The following QRICH2 variants were observed in gnomAD, a reference collection of about 807,000 sequenced individuals.
The protein encoded by QRICH2 is glutamine-rich protein 2.
A neutral mutation model predicts 168.3 loss-of-function variants in QRICH2; 119 were observed. The ratio of observed to expected loss-of-function variants is 0.71; its 90% CI spans 0.61 to 0.82. The LOEUF (loss-of-function observed/expected upper bound fraction) is 0.82. Among genes scored for constraint, QRICH2 ranks in the 40% least tolerant of loss-of-function variants. The pLI is 0.00. For synonymous variants in QRICH2, 894 were observed against 951.2 expected, an observed-to-expected ratio of 0.94 and a Z score of 1.11; for missense variants, 2,241 against 2,491.6, an observed-to-expected ratio of 0.90 and a Z score of 2.14.
rs752510976 is a variant in QRICH2, at chr17:76,278,135, G to T, written c.4971C>A (p.Ser1657Arg). ...PRGDLAQMEQ[S>R]VGRLRSMHSK... ...AGTGCATGGAGCGCAGGCGCCCCAC[G>T]CTCTGCTCCATCTGCGCCAGGTCAC... The change falls in exon 15 of 19, where the codon AGC (serine) becomes AGA (arginine). Residue 1657 changes from serine (S) to arginine (R), a missense_variant. By Grantham distance (110) the Ser-to-Arg change is moderately radical (BLOSUM62 -1). Transcript: ENST00000680821. 1 of 1,612,568 alleles carries T rather than the reference G, an allele frequency of 6.2e-7. No homozygotes were observed. Among genetic ancestry groups the T allele is most frequent in the East Asian group, 2.2e-5 (1 of 44,886 alleles).
intron 7 of QRICH2, among the ~76,000 whole-genome samples, chr17:76,283,444 G>A (rs2070824589): frequency 6.6e-6 from 1 of 152,200 alleles, no homozygotes; most frequent in Non-Finnish European, 1.5e-5. Flanking sequence ...GTGGTCCTGG[G>A]ACAGCCAGAC....
At position 76,280,214 on chromosome 17, in the gene QRICH2, G is replaced by A. The variant is rs1159809390; in HGVS notation, c.4627-60C>T. ...AGGAAGCAGGTAGGGGGCTGACCCAGGAGAAGGTGGTGCTGTCCCGATCCT... is the reference window on the plus strand; with the variant it reads ...AGGAAGCAGGTAGGGGGCTGACCCAAGAGAAGGTGGTGCTGTCCCGATCCT... On this transcript the variant is annotated intron_variant, in intron 11 of 18. Transcript: ENST00000680821. The surrounding 1 kb of genome is among the most constrained non-coding windows in gnomAD (Gnocchi z 7.4). The A allele has an allele frequency of 1.2e-5, 20 of 1,607,320 alleles. No individual in the cohort carries two copies. Among genetic ancestry groups the A allele is most frequent in the Non-Finnish European group, 1.6e-5 (19 of 1,175,712 alleles).
chr17:76,294,108 G>T, intron 3 of QRICH2, 87 bp from the exon 4 acceptor site: 1 of 1,481,970 alleles, frequency 6.7e-7, no homozygotes, highest in Non-Finnish European at 9.0e-7. Context: ...GTTCTGACTA[G>T]GATGATTTAG....
In QRICH2 at chr17:76,280,955, T is replaced by C; in HGVS notation, c.4264-2A>G. 1 of 1,608,310 alleles carries C rather than the reference T, an allele frequency of 6.2e-7. No individual in the cohort carries two copies. The highest frequency in any genetic ancestry group is 1.3e-5 in the African/African-American group (1 of 74,982). ...CACACGGCCCAGCAGCTCCTCGTCC[T>C]GCGGCAGGAGGGATGGGAAGGCTCT... On this transcript the variant is annotated splice_acceptor_variant, in intron 8 of 18. Coordinates refer to ENST00000680821, the MANE Select transcript of QRICH2 (RefSeq NM_001388453.1). LOFTEE classifies it high-confidence loss of function. This position sits in a 1 kb window ranked among gnomAD's most constrained non-coding sequence, Gnocchi z 7.4.
At chr17:76,276,878 G>A (rs1487837107) in intron 16 of QRICH2, 111 bp from the exon 17 acceptor site, 1 of 844,552 alleles carries the variant, frequency 1.2e-6, no homozygotes, top group African/African-American at 1.7e-5. Flanking sequence ...CTCCTGGGGG[G>A]CTCTGGGAGG....
In QRICH2 at chr17:76,293,244, A is replaced by T. The variant is rs1289032715; in HGVS notation, c.1483T>A (p.Cys495Ser). Residue 495 changes from cysteine (C) to serine (S), a missense_variant, in exon 4 of 19, where the codon TGT becomes AGT. Physicochemically the swap from Cys to Ser is moderately radical, Grantham distance 112. Transcript: ENST00000680821. Reference sequence around the variant, plus strand: ...TGCTGACCCATGCCTGATATTACACATCCACGCTGATCCATGCCAAGTGGT... The same window carrying T: ...TGCTGACCCATGCCTGATATTACACTTCCACGCTGATCCATGCCAAGTGGT... ...MEPLGMDQRG[C>S]VISGMGQQGL... 6.2e-7 allele frequency: 1 copy of T among 1,613,996 alleles called. No individual in the cohort carries two copies. Among genetic ancestry groups the T allele is most frequent in the Non-Finnish European group, 8.5e-7 (1 of 1,180,004 alleles).
intron 7 of QRICH2, among the ~76,000 whole-genome samples, chr17:76,283,071 G>T (rs909925876): frequency 6.6e-6 from 1 of 152,116 alleles, no homozygotes; most frequent in Non-Finnish European, 1.5e-5. Context: ...TTTCCTCCAC[G>T]GCCTACAGCT....
At chr17:76,303,181 G>A (rs1237067766) in intron 3 of QRICH2, among the ~76,000 whole-genome samples, 1 of 152,106 alleles carries the variant, frequency 6.6e-6, no homozygotes, top group African/African-American at 2.4e-5. Context: ...ACCGCGCCCG[G>A]CCCCTCTTGC....
intron 4 of QRICH2, among the ~76,000 whole-genome samples, chr17:76,290,577 G>A (rs2070969219): frequency 6.6e-6 from 1 of 151,892 alleles, no homozygotes; most frequent in African/African-American, 2.4e-5. Context: ...GGTAGAGATA[G>A]AGTTTTGCCA....
intron 3 of QRICH2, among the ~76,000 whole-genome samples, chr17:76,297,705 T>G (rs1344830189): frequency 6.6e-6 from 1 of 151,866 alleles, no homozygotes; most frequent in Non-Finnish European, 1.5e-5. Context: ...AAAACAGTTA[T>G]TATGGCTACA....
At chr17:76,290,103 C>A in intron 4 of QRICH2, 26 bp from the exon 5 acceptor site, 1 of 1,570,134 alleles carries the variant, frequency 6.4e-7, no homozygotes, top group South Asian at 1.1e-5. Context: ...GCCTTATGAT[C>A]AGAGGGGTTA....
At position 76,307,078 on chromosome 17, in the gene QRICH2, G is replaced by C. The variant is rs60779084; in HGVS notation, c.534+387C>G. ...TCTAAGAATCTTCTGAGAAGTTGCC[G>C]GCCCCACTCTGAGCCAGCTCTGGGT... is the stretch of plus-strand genomic sequence containing the variant. On this transcript the variant is annotated intron_variant, in intron 1 of 18. Transcript: ENST00000680821. This position sits in a 1 kb window ranked among gnomAD's most constrained non-coding sequence, Gnocchi z 5.3. Among the ~76,000 whole-genome samples the C allele has an allele frequency of 0.03, 4,631 of 152,018 alleles. 231 individuals are homozygous for C. Among genetic ancestry groups the C allele is most frequent in the African/African-American group, 0.1 (4,349 of 41,432 alleles).
intron 7 of QRICH2, among the ~76,000 whole-genome samples, chr17:76,282,583 C>T (rs772926093): frequency 6.6e-6 from 1 of 152,198 alleles, no homozygotes; most frequent in Non-Finnish European, 1.5e-5. Context: ...ATGTAAATAA[C>T]TCACGATACA....
chr17:76,291,272 A>G lies in QRICH2; in HGVS notation c.3455T>C (p.Val1152Ala). Reference sequence around the variant, plus strand: ...GGAGTCTGGACTCCTGAAAAGAGTGACATCTTGGCCTGGGGCCTTCTGGGC... The same window carrying G: ...GGAGTCTGGACTCCTGAAAAGAGTGGCATCTTGGCCTGGGGCCTTCTGGGC... ...IPAQKAPGQD[V>A]TLFRSPDSVD... Residue 1152 changes from valine (V) to alanine (A), a missense_variant, in exon 4 of 19, where the codon GTC becomes GCC. By Grantham distance (64) the Val-to-Ala change is moderately conservative. This residue lies in a region of QRICH2 where 2,047 missense variants were observed against 2,303.8 expected (regional missense o/e 0.89). Transcript: ENST00000680821. 1.2e-6 allele frequency: 2 copies of G among 1,614,182 alleles called. No homozygotes were observed. Among genetic ancestry groups the G allele is most frequent in the Non-Finnish European group, 1.7e-6 (2 of 1,180,030 alleles).
At chr17:76,299,495 G>C (rs2070859850) in intron 3 of QRICH2, among the ~76,000 whole-genome samples, 1 of 152,068 alleles carries the variant, frequency 6.6e-6, no homozygotes, top group Non-Finnish European at 1.5e-5. Context: ...CTAGCACTTT[G>C]GGAAGCCGAG....
chr17:76,285,904 G>A (rs1045336669), intron 7 of QRICH2, among the ~76,000 whole-genome samples: 2 of 151,802 alleles, frequency 1.3e-5, no homozygotes, highest in African/African-American at 4.8e-5. Flanking sequence ...CAGGTGCGGT[G>A]GCTCACGCCT....
At chr17:76,298,162 C>A (rs2070833082) in intron 3 of QRICH2, among the ~76,000 whole-genome samples, 1 of 138,878 alleles carries the variant, frequency 7.2e-6, no homozygotes, top group Non-Finnish European at 1.5e-5. Flanking sequence ...ATGAGCCACG[C>A]TGCCTGGCTT....
chr17:76,274,329 C>G, intron 18 of QRICH2, 69 bp from the exon 19 acceptor site: 1 of 1,488,868 alleles, frequency 6.7e-7, no homozygotes, highest in South Asian at 1.3e-5. Context: ...CCCAGCCTGC[C>G]CAATGCCCAG....
At chr17:76,275,224 C>A (rs570866154) in intron 18 of QRICH2, among the ~76,000 whole-genome samples, 49 of 152,180 alleles carry the variant, frequency 3.2e-4, no homozygotes, top group Middle Eastern at 6.8e-3. Context: ...CAGCACTAAC[C>A]CAGCACCCCC....
Sources: allele counts gnomAD v4.1 joint callset (sites outside exome capture counted in the v4.1 genomes callset), GRCh38; gene constraint gnomAD v4.1.1; regional missense constraint gnomAD v4.1.1; non-coding constraint Gnocchi (gnomAD v3.1); transcripts MANE v1.5; gene names NCBI Gene and HGNC (gene_info 2026-07-23, HGNC 2026-07-21).